Variants in PTPRD observed in about 807,000 individuals in gnomAD.
PTPRD encodes protein tyrosine phosphatase receptor type D.
A neutral mutation model predicts 214.5 loss-of-function variants in PTPRD; 34 were observed. That is an observed-to-expected ratio of 0.16 (90% confidence interval 0.12 to 0.21). PTPRD has a LOEUF of 0.21. Ranked by LOEUF, PTPRD falls within the 10% of genes least tolerant of loss-of-function variation. The pLI is 1.00. For missense variants in PTPRD, 2,545 were observed against 2,398.7 expected (o/e 1.06, Z -1.27); for synonymous variants, 1,128 against 845.7 (o/e 1.33, Z -5.79).
chr9:9,788,204 C>A (rs1411268994), intron 5 of PTPRD, among the ~76,000 whole-genome samples: 4 of 151,896 alleles, frequency 2.6e-5, no homozygotes, highest in Non-Finnish European at 4.4e-5. Context: ...GTACAGAGGA[C>A]AAGCTCCTAG....
chr9:8,497,236 A>G lies in PTPRD; in HGVS notation c.2349+6T>C. On this transcript the variant is annotated splice_donor_region_variant and intron_variant, in intron 26 of 45. Transcript: ENST00000381196. ...GCTTTTGACAAAACAGTCAAAAATTACTCACATGTTCAGTAGTATCATCAA... is the reference window on the plus strand; with the variant it reads ...GCTTTTGACAAAACAGTCAAAAATTGCTCACATGTTCAGTAGTATCATCAA... 1 of 1,591,050 alleles carries G rather than the reference A, an allele frequency of 6.3e-7. No individual in the cohort carries two copies. The highest frequency in any genetic ancestry group is 8.5e-7 in the Non-Finnish European group (1 of 1,171,310).
intron 35 of PTPRD, among the ~76,000 whole-genome samples, chr9:8,434,256 C>T (rs566729368): frequency 1.3e-5 from 2 of 152,280 alleles, no homozygotes; most frequent in East Asian, 3.9e-4. Context: ...GCTGGGATTA[C>T]ACAAGTGAGC....
At chr9:9,110,595 GA>G in intron 10 of PTPRD, among the ~76,000 whole-genome samples, 1 of 152,156 alleles carries the variant, frequency 6.6e-6, no homozygotes, top group South Asian at 2.1e-4. Context: ...GCTCAAGTCA[GA>G]AACTTGAATT....
At chr9:9,075,693 G>C (rs1372350847) in intron 10 of PTPRD, among the ~76,000 whole-genome samples, 1 of 152,078 alleles carries the variant, frequency 6.6e-6, no homozygotes, top group African/African-American at 2.4e-5. Context: ...GGTTTGCTTA[G>C]AATGATGGTT....
At chr9:8,566,991 C>T (rs2089497258) in intron 14 of PTPRD, among the ~76,000 whole-genome samples, 1 of 152,100 alleles carries the variant, frequency 6.6e-6, no homozygotes. Context: ...TTTCTTACAT[C>T]TCTCCTCACA....
At chr9:9,736,901 C>T (rs2821462) in intron 6 of PTPRD, among the ~76,000 whole-genome samples, 76,300 of 151,800 alleles carry the variant, frequency 0.5, 23,053 homozygotes, top group African/African-American at 0.84. Context: ...TACTCACTTA[C>T]TGTTTCTTAC....
intron 5 of PTPRD, among the ~76,000 whole-genome samples, chr9:9,842,500 G>A (rs754513393): frequency 6.6e-6 from 1 of 151,684 alleles, no homozygotes; most frequent in Admixed American, 6.6e-5. Flanking sequence ...GGAAGAAAGA[G>A]AGTGTGGGAG....
intron 9 of PTPRD, among the ~76,000 whole-genome samples, chr9:9,273,533 A>C (rs1198822987): frequency 6.6e-6 from 1 of 151,322 alleles, no homozygotes; most frequent in Non-Finnish European, 1.5e-5. Context: ...TTTATTTACT[A>C]TTCTAATGGA....
At chr9:8,896,199 G>GAA (rs2098609185) in intron 11 of PTPRD, among the ~76,000 whole-genome samples, 1 of 152,160 alleles carries the variant, frequency 6.6e-6, no homozygotes, top group African/African-American at 2.4e-5. Context: ...ATTGCACGGA[G>GAA]AAAGCCTGCT....
chr9:10,537,588 T>G (rs574741229), intron 2 of PTPRD, among the ~76,000 whole-genome samples: 1 of 152,170 alleles, frequency 6.6e-6, no homozygotes, highest in Non-Finnish European at 1.5e-5. Context: ...GTCAAATCAT[T>G]GTCTATTCCT....
At chr9:10,213,009 A>G (rs933237008) in intron 3 of PTPRD, among the ~76,000 whole-genome samples, 6 of 152,286 alleles carry the variant, frequency 3.9e-5, no homozygotes, top group African/African-American at 1.4e-4. Flanking sequence ...TTACCCTTGT[A>G]TCATTGTTTG....
chr9:9,508,201 G>C (rs1420829272), intron 8 of PTPRD, among the ~76,000 whole-genome samples: 1 of 151,422 alleles, frequency 6.6e-6, no homozygotes, highest in African/African-American at 2.4e-5. Flanking sequence ...GGATGTTTTT[G>C]TAAAGATAAT....
At chr9:10,134,541 AT>A (rs1016805629) in intron 3 of PTPRD, among the ~76,000 whole-genome samples, 1 of 151,680 alleles carries the variant, frequency 6.6e-6, no homozygotes, top group African/African-American at 2.4e-5. Context: ...CACCAAAACC[AT>A]TTTTTTTCCA....
chr9:9,056,144 T>C (rs1016860102), intron 10 of PTPRD, among the ~76,000 whole-genome samples: 2 of 152,170 alleles, frequency 1.3e-5, no homozygotes, highest in Non-Finnish European at 2.9e-5. Context: ...CCTCAGTATT[T>C]AGAACAATCT....
chr9:9,099,731 T>C (rs564183518), intron 10 of PTPRD, among the ~76,000 whole-genome samples: 30 of 152,346 alleles, frequency 2.0e-4, no homozygotes, highest in Non-Finnish European at 2.8e-4. Context: ...AAGTGAGGAT[T>C]ACTTTTTTAT....
At chr9:10,302,614 G>A (rs913340903) in intron 3 of PTPRD, among the ~76,000 whole-genome samples, 4 of 152,028 alleles carry the variant, frequency 2.6e-5, no homozygotes, top group South Asian at 2.1e-4. Flanking sequence ...GGTTACAATC[G>A]TAGTCTCTGA....
chr9:9,064,830 A>G (rs1289178147), intron 10 of PTPRD, among the ~76,000 whole-genome samples: 1 of 152,244 alleles, frequency 6.6e-6, no homozygotes, highest in Non-Finnish European at 1.5e-5. Context: ...AGGATTTGGA[A>G]GAAATTAATA....
At chr9:8,814,753 C>T (rs1321798635) in intron 11 of PTPRD, among the ~76,000 whole-genome samples, 1 of 152,194 alleles carries the variant, frequency 6.6e-6, no homozygotes, top group African/African-American at 2.4e-5. Context: ...GCCATACATA[C>T]ATTTACAAAT....
intron 11 of PTPRD, among the ~76,000 whole-genome samples, chr9:8,866,822 T>C (rs1374559613): frequency 6.6e-6 from 1 of 152,202 alleles, no homozygotes; most frequent in Non-Finnish European, 1.5e-5. Flanking sequence ...TGAATACTAC[T>C]TCCATTAGAA....
Sources: gnomAD v4.1 joint callset for allele counts (sites outside exome capture counted in the v4.1 genomes callset) on GRCh38, gnomAD v4.1.1 for gene constraint, MANE v1.5 for transcripts, NCBI Gene and HGNC (gene_info 2026-07-23, HGNC 2026-07-21) for gene names.